Variants in LBR observed in about 807,000 individuals in gnomAD.
LBR encodes lamin B receptor, also known as delta(14)-sterol reductase LBR.
LBR carries 28 observed loss-of-function variants against 74.3 expected under a neutral mutation model. The ratio of observed to expected loss-of-function variants is 0.38; its 90% CI spans 0.28 to 0.52. The LOEUF (loss-of-function observed/expected upper bound fraction) is 0.52, where lower values mean the gene tolerates loss of function less well. LBR is among the 20% of genes least tolerant of loss of function. LBR has a pLI of 0.89. For missense variants in LBR, 717 were observed against 760.3 expected, an observed-to-expected ratio of 0.94 and a Z score of 0.67; for synonymous variants, 228 against 269.3, an observed-to-expected ratio of 0.85 and a Z score of 1.50.
chr1:225,404,664 T>C lies in LBR; in HGVS notation c.1526A>G (p.Asn509Ser). The C allele has an allele frequency of 6.2e-7, 1 of 1,611,552 alleles. No homozygotes were observed. Among genetic ancestry groups the C allele is most frequent in the Non-Finnish European group, 8.5e-7 (1 of 1,179,194 alleles). The change falls in exon 12 of 14, where the codon AAT becomes AGT. Residue 509 changes from asparagine (N) to serine (S), a missense_variant. Coordinates refer to ENST00000272163, the MANE Select transcript of LBR (RefSeq NM_002296.4). Reference sequence around the variant, plus strand: ...ATCACTGGGATTTTTCCGGAATGCATTTTTCTGAGAATTTGCACCTCGGAA... The same window carrying C: ...ATCACTGGGATTTTTCCGGAATGCACTTTTCTGAGAATTTGCACCTCGGAA... ...VIFRGANSQK[N>S]AFRKNPSDPK... is the part of the protein sequence containing the mutation.
intron 8 of LBR, among the ~76,000 whole-genome samples, chr1:225,411,998 T>C (rs1331465291): frequency 6.6e-6 from 1 of 152,122 alleles, no homozygotes; most frequent in Non-Finnish European, 1.5e-5. Flanking sequence ...TTAGTAGAGA[T>C]GGGGTTTCAC....
intron 2 of LBR, among the ~76,000 whole-genome samples, chr1:225,423,130 G>A (rs934615486): frequency 2.0e-5 from 3 of 152,198 alleles, no homozygotes; most frequent in Admixed American, 1.3e-4. Flanking sequence ...TAGGTGTATG[G>A]AAATGTTTAT....
Position 225,401,556 on chromosome 1 carries a change from G to A in LBR, c.*1747C>T, listed in dbSNP as rs572795845. 6.6e-6 allele frequency: 1 copy of A among 151,910 alleles called. No individual in the cohort carries two copies. Among genetic ancestry groups the A allele is most frequent in the African/African-American group, 2.4e-5 (1 of 41,438 alleles). The allele number at this position is 151,910 out of a possible 1,614,324, so 9.4% of individuals were successfully genotyped here. On this transcript the variant is annotated 3_prime_UTR_variant, in exon 14 of 14. Transcript: ENST00000272163. Reference sequence around the variant, plus strand: ...AACTTAAAACTTCATTATAAAATTTGCCAAATAAACATGTCAAAAACAAAC... The same window carrying A: ...AACTTAAAACTTCATTATAAAATTTACCAAATAAACATGTCAAAAACAAAC...
At chr1:225,424,531 G>A (rs888488581) in intron 1 of LBR, among the ~76,000 whole-genome samples, 1 of 152,180 alleles carries the variant, frequency 6.6e-6, no homozygotes, top group African/African-American at 2.4e-5. Context: ...AATCAAGGAT[G>A]TACAATTAAC....
rs1335769656 is a variant in LBR at position 225,424,004 on chromosome 1, T to C, written c.72A>G (p.Glu24=). ...GRWPGSSLYY[E]VEILSHDSTS... ...TGCTGTCGTGGCTCAGAATTTCTAC[T>C]TCATAATAAAGTGAACTCCCAGGCC... is the stretch of plus-strand genomic sequence containing the variant. The change falls in exon 2 of 14, where the codon GAA becomes GAG. Residue 24 remains glutamate (E), a synonymous_variant. Transcript: ENST00000272163. 4 of 1,613,982 alleles carry C rather than the reference T, an allele frequency of 2.5e-6. No individual in the cohort carries two copies. The highest frequency in any genetic ancestry group is 2.5e-6 in the Non-Finnish European group (3 of 1,179,962).
intron 13 of LBR, 66 bp downstream of exon 13, chr1:225,404,338 A>C: frequency 6.2e-7 from 1 of 1,607,262 alleles, no homozygotes; most frequent in Non-Finnish European, 8.5e-7. Flanking sequence ...TCCCACACAA[A>C]GGACACACAC....
intron 13 of LBR, 37 bp from the exon 14 acceptor site, chr1:225,403,500 T>C: frequency 6.6e-7 from 1 of 1,505,982 alleles, no homozygotes; most frequent in Non-Finnish European, 9.2e-7. Flanking sequence ...TAGATATTTT[T>C]ATTATCACTA....
chr1:225,422,086 C>T lies in LBR; in HGVS notation c.357G>A (p.Pro119=), dbSNP rs150177807. The stretch of plus-strand genomic sequence containing the variant: ...GGATAAACACAAGTACCAGAATCAG[C>T]GGAGTCAATTTAACTTCCACTTCCC... ...ARREVEVKLT[P]LILKPFGNSI... is the part of the protein sequence containing the mutation. The change falls in exon 3 of 14, where the codon CCG becomes CCA. Residue 119 remains proline, a synonymous_variant. Transcript: ENST00000272163. The T allele has an allele frequency of 8.1e-5, 130 of 1,613,882 alleles. 2 individuals are homozygous for T. In the South Asian group the frequency reaches 9.6e-4, roughly 12 times the overall value.
At position 225,403,478 on chromosome 1, in the gene LBR, A is replaced by G; in HGVS notation, c.1688-15T>C. ...GTGGTTAAAACCTGTGGATAATAAT[A>G]GTACACAGTATTAGATATTTTTATT... is the stretch of plus-strand genomic sequence containing the variant. On this transcript the variant is annotated splice_polypyrimidine_tract_variant and intron_variant, in intron 13 of 13. Coordinates refer to ENST00000272163, the MANE Select transcript of LBR (RefSeq NM_002296.4). The G allele has an allele frequency of 1.3e-6, 2 of 1,565,694 alleles. No homozygotes were observed. Among genetic ancestry groups the G allele is most frequent in the Non-Finnish European group, 8.8e-7 (1 of 1,136,022 alleles).
chr1:225,404,292 G>A, intron 13 of LBR, 112 bp downstream of exon 13: 3 of 1,448,032 alleles, frequency 2.1e-6, no homozygotes, highest in Non-Finnish European at 2.9e-6. Context: ...GTAGAAAAGG[G>A]CGACAAAAAG....
chr1:225,417,856 G>A (rs1360248554), intron 6 of LBR, 128 bp downstream of exon 6: 32 of 807,668 alleles, frequency 4.0e-5, no homozygotes, highest in Non-Finnish European at 6.3e-5. Flanking sequence ...CATGGCACAG[G>A]CCTGTGGTCC....
At chr1:225,407,576 C>G (rs186094345) in intron 10 of LBR, among the ~76,000 whole-genome samples, 7 of 152,252 alleles carry the variant, frequency 4.6e-5, no homozygotes, top group African/African-American at 1.4e-4. Flanking sequence ...GCCCAGGATA[C>G]GGGCAGGCCA....
At position 225,404,689 on chromosome 1, in the gene LBR, A is replaced by C; in HGVS notation, c.1501T>G (p.Phe501Val). 2 of 1,610,268 alleles carry C rather than the reference A, an allele frequency of 1.2e-6. No homozygotes were observed. Among genetic ancestry groups the C allele is most frequent in the Non-Finnish European group, 1.7e-6 (2 of 1,178,076 alleles). Reference protein sequence around the residue: ...IVLKLCGYVIFRGANSQKNAF... With the variant: ...IVLKLCGYVIVRGANSQKNAF... Reference sequence around the variant, plus strand: ...TTTTTCTGAGAATTTGCACCTCGGAAGATTACATAACCACAAACTGCAATT... The same window carrying C: ...TTTTTCTGAGAATTTGCACCTCGGACGATTACATAACCACAAACTGCAATT... The change falls in exon 12 of 14, where the codon TTC becomes GTC. Residue 501 changes from phenylalanine to valine, a missense_variant. Coordinates refer to ENST00000272163, the MANE Select transcript of LBR (RefSeq NM_002296.4).
chr1:225,413,221 G>A (rs777909267), intron 7 of LBR, among the ~76,000 whole-genome samples: 10 of 152,202 alleles, frequency 6.6e-5, no homozygotes, highest in Non-Finnish European at 1.3e-4. Flanking sequence ...ACAAATGCCC[G>A]AGGCTAGGCA....
In LBR at chr1:225,423,982, T is replaced by C; in HGVS notation, c.94A>G (p.Ser32Gly). Residue 32 changes from serine to glycine, a missense_variant, in exon 2 of 14, where the codon AGC becomes GGC. By Grantham distance (56) the Ser-to-Gly change is moderately conservative. Coordinates refer to ENST00000272163, the MANE Select transcript of LBR (RefSeq NM_002296.4). ...TTCACAGTGTAAAGCTGGGAGGTGC[T>C]GTCGTGGCTCAGAATTTCTACTTCA... is the stretch of plus-strand genomic sequence containing the variant. ...YYEVEILSHDSTSQLYTVKYK... is the reference protein window; with the variant it reads ...YYEVEILSHDGTSQLYTVKYK... The C allele has an allele frequency of 1.2e-6, 2 of 1,613,964 alleles. No homozygotes were observed. The highest frequency in any genetic ancestry group is 1.1e-5 in the South Asian group (1 of 91,086).
intron 2 of LBR, among the ~76,000 whole-genome samples, chr1:225,423,210 GTCTT>G (rs1252855372): frequency 6.6e-6 from 1 of 152,142 alleles, no homozygotes; most frequent in East Asian, 1.9e-4. Flanking sequence ...TATTGTGTAT[GTCTT>G]TATTTTTCTA....
intron 1 of LBR, 90 bp downstream of exon 1, chr1:225,427,864 G>GGCCC (rs2096143601): frequency 6.6e-6 from 1 of 152,062 alleles, no homozygotes; most frequent in Admixed American, 6.5e-5. Context: ...CGGCCCGGCC[G>GGCCC]CTGCGCCGGC....
Position 225,410,328 on chromosome 1 carries a change from A to C in LBR, c.1277T>G (p.Phe426Cys). The change falls in exon 10 of 14, where the codon TTC (phenylalanine) becomes TGC (cysteine). Residue 426 changes from phenylalanine to cysteine, a missense_variant. Coordinates refer to ENST00000272163, the MANE Select transcript of LBR (RefSeq NM_002296.4). ...PSLAMILVNSFQLLYVVDALW... is the reference protein window; with the variant it reads ...PSLAMILVNSCQLLYVVDALW... ...AGCATCCACCACATAGAGAAGCTGG[A>C]AACTATTAACTAAAATCATGGCCAA... is the stretch of plus-strand genomic sequence containing the variant. 2 of 1,614,218 alleles carry C rather than the reference A, an allele frequency of 1.2e-6. No homozygotes were observed. The highest frequency in any genetic ancestry group is 1.7e-6 in the Non-Finnish European group (2 of 1,180,034).
intron 2 of LBR, among the ~76,000 whole-genome samples, chr1:225,423,041 G>A (rs1288220328): frequency 6.6e-6 from 1 of 152,130 alleles, no homozygotes; most frequent in Non-Finnish European, 1.5e-5. Context: ...TCCTGGTCTA[G>A]AGCACTCGAA....
Sources: gnomAD v4.1 joint callset for allele counts (sites outside exome capture counted in the v4.1 genomes callset) on GRCh38, gnomAD v4.1.1 for gene constraint, MANE v1.5 for transcripts, NCBI Gene and HGNC (gene_info 2026-07-23, HGNC 2026-07-21) for gene names.